Variants in C11orf91 observed in about 807,000 individuals in gnomAD.
The protein encoded by C11orf91 is uncharacterized protein C11orf91.
Under a neutral mutation model 14.3 loss-of-function variants are expected in C11orf91, and 10 were observed. That is an observed-to-expected ratio of 0.70 (90% CI 0.43 to 1.18). The LOEUF is 1.18. C11orf91 is among the 50% of genes most tolerant of loss of function. The pLI, the probability that C11orf91 is intolerant of heterozygous loss-of-function variation, is 0.00. For missense variants in C11orf91, 236 were observed against 269.0 expected, an observed-to-expected ratio of 0.88 and a Z score of 0.86; for synonymous variants, 141 against 130.6, an observed-to-expected ratio of 1.08 and a Z score of -0.54.
chr11:33,698,636 G>A (rs1853065478), intron 1 of C11orf91, 122 bp from the exon 2 acceptor site: 1 of 679,150 alleles, frequency 1.5e-6, no homozygotes, highest in Admixed American at 2.9e-5. Context: ...TGTGATCCAA[G>A]ATGGGAGAGA....
chr11:33,703,398 G>T (rs1265695705), upstream of C11orf91: 3 of 152,224 alleles, frequency 2.0e-5, no homozygotes, highest in Non-Finnish European at 2.9e-5. Flanking sequence ...GAACAGTCTT[G>T]AATTCAACTT....
In C11orf91 at chr11:33,700,724, C is replaced by T; in HGVS notation, c.17G>A (p.Arg6His). 2 of 1,375,952 alleles carry T rather than the reference C, an allele frequency of 1.5e-6. No individual in the cohort carries two copies. The highest frequency in any genetic ancestry group is 2.5e-4 in the Middle Eastern group (1 of 4,020). The allele number at this position is 1,375,952 out of a possible 1,614,324, so 85.2% of individuals were successfully genotyped here. A position where few individuals can be genotyped will look rare whatever the true frequency, so the allele number is the denominator to read the frequency against. The change falls in exon 1 of 2, where the codon CGC (arginine) becomes CAC (histidine). Residue 6 changes from arginine to histidine, a missense_variant. Transcript: ENST00000379011. ...GCTCATGGTGGGGCTGTGGCTGCCGCGCCGCCCCTTTGGCATCGTTTGAAT... is the reference window on the plus strand; with the variant it reads ...GCTCATGGTGGGGCTGTGGCTGCCGTGCCGCCCCTTTGGCATCGTTTGAAT... MPKGR[R>H]GSHSPTMSQR...
Position 33,698,275 on chromosome 11 carries a change from T to C in C11orf91, c.*154A>G, listed in dbSNP as rs831611. 0.66 allele frequency: 402,084 copies of C among 607,866 alleles called. 135,538 individuals carry two copies. Among genetic ancestry groups the C allele is most frequent in the African/African-American group, 0.92 (49,882 of 54,188 alleles). The allele number at this position is 607,866 out of a possible 1,614,324, so 37.7% of individuals were successfully genotyped here. On this transcript the variant is annotated 3_prime_UTR_variant, in exon 2 of 2. Transcript: ENST00000379011. ...AGACCATGAGATTTACCACACAAAG[T>C]GGGCACTGTATGTGAAGTACATGCT...
In C11orf91 at chr11:33,698,774, A is replaced by ATTTT. The variant is rs55712821; in HGVS notation, c.497-264_497-261dup. Reference sequence around the variant, plus strand: ...AAGTCCTGGATTTCTTCTTCTTCTAATTTTTTTTTTTTTTTTTTTTTTTTG... The same window carrying ATTTT: ...AAGTCCTGGATTTCTTCTTCTTCTAATTTTTTTTTTTTTTTTTTTTTTTTTTTTG... On this transcript the variant is annotated intron_variant, in intron 1 of 1. Coordinates refer to ENST00000379011, the MANE Select transcript of C11orf91 (RefSeq NM_001166692.2). Among the ~76,000 whole-genome samples the ATTTT allele has an allele frequency of 3.7e-3, 385 of 104,528 alleles. 1 individual carries two copies. The highest frequency in any genetic ancestry group is 5.3e-3 in the Non-Finnish European group (289 of 54,508). The allele number at this position is 104,528 out of a possible 152,430, so 68.6% of individuals were successfully genotyped here. A position where few individuals can be genotyped will look rare whatever the true frequency, so the allele number is the denominator to read the frequency against.
At chr11:33,700,963 A>G (rs1196030855), upstream of C11orf91, among the ~76,000 whole-genome samples, 3 of 152,076 alleles carry the variant, frequency 2.0e-5, no homozygotes, top group Non-Finnish European at 4.4e-5. Context: ...CGCAGTTAGA[A>G]AGCCACGCCC....
upstream of C11orf91, chr11:33,704,297 G>C (rs1564964306): frequency 6.6e-6 from 1 of 152,180 alleles, no homozygotes; most frequent in Non-Finnish European, 1.5e-5. Flanking sequence ...CTACTTCATA[G>C]GATTGATTTG....
chr11:33,698,847 C>A (rs545438665), intron 1 of C11orf91, among the ~76,000 whole-genome samples: 1 of 132,040 alleles, frequency 7.6e-6, no homozygotes, highest in Admixed American at 8.7e-5. Flanking sequence ...GTGGCACAAT[C>A]TTGGCTTACT....
intron 1 of C11orf91, among the ~76,000 whole-genome samples, chr11:33,698,822 C>T (rs993550367): frequency 7.2e-6 from 1 of 139,604 alleles, no homozygotes. Flanking sequence ...ACTCTTTCAC[C>T]CAGGTTGGAG....
the C11orf91 span, chr11:33,705,958 C>T: frequency 6.6e-6 from 1 of 152,180 alleles, no homozygotes; most frequent in South Asian, 2.1e-4. Context: ...ATAGGATCAG[C>T]CTACTGGGGT....
chr11:33,701,031 C>G (rs755042282), upstream of C11orf91, among the ~76,000 whole-genome samples: 26 of 152,240 alleles, frequency 1.7e-4, 1 homozygote, highest in South Asian at 2.1e-4. Context: ...CTCGCTCTTG[C>G]TCTGCGACCC....
Position 33,698,498 on chromosome 11 carries a change from C to A in C11orf91, c.513G>T (p.Ala171=), listed in dbSNP as rs527981527. ...FDSQSYTFLK[A]LKDEKLQGLK... is the part of the protein sequence containing the mutation. Reference sequence around the variant, plus strand: ...GTCCTTGTAACTTTTCGTCTTTTAGCGCCTTCAGGAATGTGTCTGCAGGAG... The same window carrying A: ...GTCCTTGTAACTTTTCGTCTTTTAGAGCCTTCAGGAATGTGTCTGCAGGAG... The change falls in exon 2 of 2, where the codon GCG becomes GCT. Residue 171 remains alanine (A), a synonymous_variant. Coordinates refer to ENST00000379011, the MANE Select transcript of C11orf91 (RefSeq NM_001166692.2). 16 of 1,537,406 alleles carry A rather than the reference C, an allele frequency of 1.0e-5. No homozygotes were observed. Among genetic ancestry groups the A allele is most frequent in the Non-Finnish European group, 1.3e-5 (15 of 1,146,790 alleles).
At chr11:33,701,646 C>CCAT (rs1292901557), upstream of C11orf91, among the ~76,000 whole-genome samples, 1 of 152,070 alleles carries the variant, frequency 6.6e-6, no homozygotes, top group Non-Finnish European at 1.5e-5. Context: ...GAGCCTCTGC[C>CCAT]TAATGATCAC....
rs1405524362 is a variant in C11orf91 at position 33,700,752 on chromosome 11, G to T, written c.-12C>A. ...CGCCCCTTTGGCATCGTTTGAATGA[G>T]GGTCTGCGTGGGAGGAACCCCGCGC... is the stretch of plus-strand genomic sequence containing the variant. On this transcript the variant is annotated 5_prime_UTR_variant, in exon 1 of 2. Coordinates refer to ENST00000379011, the MANE Select transcript of C11orf91 (RefSeq NM_001166692.2). The T allele has an allele frequency of 3.3e-5, 44 of 1,318,442 alleles. No individual in the cohort carries two copies. Among genetic ancestry groups the T allele is most frequent in the Admixed American group, 1.0e-4 (3 of 29,532 alleles). The allele number at this position is 1,318,442 out of a possible 1,614,324, so 81.7% of individuals were successfully genotyped here.
At chr11:33,702,934 A>G (rs1486952257), upstream of C11orf91, 3 of 155,810 alleles carry the variant, frequency 1.9e-5, no homozygotes, top group African/African-American at 7.2e-5. Flanking sequence ...GGTTGGCAAG[A>G]CTAAGTGAGA....
rs1287777936 is a variant in C11orf91 at position 33,700,490 on chromosome 11, G to A, written c.251C>T (p.Pro84Leu). 3.6e-6 allele frequency: 5 copies of A among 1,375,756 alleles called. No individual in the cohort carries two copies. The East Asian group carries it at 1.2e-4, about 33-fold the overall frequency. The allele number at this position is 1,375,756 out of a possible 1,614,324, so 85.2% of individuals were successfully genotyped here. A position where few individuals can be genotyped will look rare whatever the true frequency, so the allele number is the denominator to read the frequency against. Residue 84 changes from proline to leucine, a missense_variant, in exon 1 of 2, where the codon CCC becomes CTC. Pro to Leu is a moderately conservative substitution (Grantham distance 98). Coordinates refer to ENST00000379011, the MANE Select transcript of C11orf91 (RefSeq NM_001166692.2). ...PPPPPPPGLGPSSERPWPSPW... is the reference protein window; with the variant it reads ...PPPPPPPGLGLSSERPWPSPW... The stretch of plus-strand genomic sequence containing the variant: ...CGAGGGCCAGGGGCGCTCGCTGGAG[G>A]GACCCAGGCCGGGTGGTGGCGGGGG...
chr11:33,700,937 T>TG (rs71034699), upstream of C11orf91: 436,072 of 436,076 alleles, frequency 1, 218,034 homozygotes, highest in Middle Eastern at 1. Context: ...CCCGCCCACC[T>TG]CGGCTGGCCG....
chr11:33,706,131 G>C, the C11orf91 span: 1 of 151,756 alleles, frequency 6.6e-6, no homozygotes, highest in Non-Finnish European at 1.5e-5. Context: ...TCTCCCAGAG[G>C]CTCTGGACCT....
intron 1 of C11orf91, 108 bp downstream of exon 1, chr11:33,700,137 C>G: frequency 8.8e-6 from 11 of 1,248,290 alleles, no homozygotes; most frequent in Non-Finnish European, 1.2e-5. Context: ...TCTGGGACTA[C>G]TGGGGGCTGG....
upstream of C11orf91, among the ~76,000 whole-genome samples, chr11:33,702,274 C>T (rs1011490494): frequency 2.0e-5 from 3 of 152,080 alleles, no homozygotes; most frequent in Non-Finnish European, 4.4e-5. Flanking sequence ...GGCAACATAG[C>T]GAGATTCTGT....
Sources: gnomAD v4.1 joint callset for allele counts (sites outside exome capture counted in the v4.1 genomes callset) on GRCh38, gnomAD v4.1.1 for gene constraint, MANE v1.5 for transcripts, NCBI Gene and HGNC (gene_info 2026-07-23, HGNC 2026-07-21) for gene names.